NEK6: variants seen among roughly 807,000 people sequenced by gnomAD.
NEK6 encodes serine/threonine-protein kinase Nek6.
Under a neutral mutation model 43.5 loss-of-function variants are expected in NEK6, and 27 were observed. The observed-to-expected ratio is 0.62, with a 90% CI of 0.46 to 0.86. NEK6 has a LOEUF of 0.86. Among genes scored for constraint, NEK6 ranks in the 40% least tolerant of loss-of-function variants. NEK6 has a pLI of 0.00. For missense variants in NEK6, 318 were observed against 414.4 expected (o/e 0.77, Z 2.02); for synonymous variants, 167 against 164.1 (o/e 1.02, Z -0.14).
chr9:124,287,099 C>A (rs1832199222), intron 1 of NEK6, among the ~76,000 whole-genome samples: 1 of 152,158 alleles, frequency 6.6e-6, no homozygotes, highest in South Asian at 2.1e-4. Flanking sequence ...TGGGGACAGA[C>A]CCTGGGACAT....
chr9:124,279,462 T>G lies in NEK6; in HGVS notation c.-30+21377T>G, dbSNP rs542078111. Among the ~76,000 whole-genome samples, 7 of 152,202 alleles carry G rather than the reference T, an allele frequency of 4.6e-5. 1 individual carries two copies. In the South Asian group the frequency reaches 1.5e-3, roughly 32 times the overall value. On this transcript the variant is annotated intron_variant, in intron 1 of 9. Transcript: ENST00000320246. ...GACTGCAGGCACACACCACAACGCC[T>G]GGCTAATTTTTGTATTTTTAGTAGA...
intron 6 of NEK6, among the ~76,000 whole-genome samples, chr9:124,327,107 C>CTTT (rs1834378135): frequency 6.6e-6 from 1 of 152,184 alleles, no homozygotes; most frequent in Non-Finnish European, 1.5e-5. Flanking sequence ...CTGTCTTAAC[C>CTTT]CTCACAGCAG....
At chr9:124,288,058 C>G (rs1264242654) in intron 1 of NEK6, among the ~76,000 whole-genome samples, 4 of 152,230 alleles carry the variant, frequency 2.6e-5, no homozygotes, top group Admixed American at 6.5e-5. Flanking sequence ...GCAGCAGGAG[C>G]TGTGCAGCCT....
At chr9:124,260,342 A>G (rs1830983079) in intron 1 of NEK6, among the ~76,000 whole-genome samples, 1 of 152,186 alleles carries the variant, frequency 6.6e-6, no homozygotes, top group Non-Finnish European at 1.5e-5. Flanking sequence ...CATGACTTGC[A>G]TAATTTCATT....
chr9:124,323,450 TCTAGAAGAAAG>T (rs750430923), intron 5 of NEK6, among the ~76,000 whole-genome samples: 58 of 152,122 alleles, frequency 3.8e-4, no homozygotes, highest in Non-Finnish European at 7.9e-4. Flanking sequence ...AGCTCTGTGT[TCTAGAAGAAAG>T]ACTGGAGGCC....
chr9:124,323,925 G>C (rs2130930177), intron 5 of NEK6, among the ~76,000 whole-genome samples: 1 of 152,316 alleles, frequency 6.6e-6, no homozygotes, highest in Middle Eastern at 3.4e-3. Context: ...CAGCAGGATT[G>C]AGTCTAGGAT....
intron 2 of NEK6, among the ~76,000 whole-genome samples, chr9:124,306,832 C>T (rs1044716952): frequency 6.6e-6 from 1 of 152,234 alleles, no homozygotes; most frequent in African/African-American, 2.4e-5. Flanking sequence ...GCTATATACA[C>T]ATCTACCAAA....
In NEK6 at chr9:124,301,993, A is replaced by G. The variant is rs377403028; in HGVS notation, c.29A>G (p.His10Arg). MAGQPGHMPHGGSSNNLCHT... is the reference protein window; with the variant it reads MAGQPGHMPRGGSSNNLCHT... The stretch of plus-strand genomic sequence containing the variant: ...GCAGGACAGCCCGGCCACATGCCCC[A>G]TGGAGGGAGTTCCAACAACCTCTGC... Residue 10 changes from histidine to arginine, a missense_variant, in exon 2 of 10, where the codon CAT becomes CGT. Physicochemically the swap from His to Arg is conservative, Grantham distance 29. Coordinates refer to ENST00000320246, the MANE Select transcript of NEK6 (RefSeq NM_014397.6). 21 of 1,604,894 alleles carry G rather than the reference A, an allele frequency of 1.3e-5. No individual in the cohort carries two copies. In the African/African-American group the frequency reaches 2.3e-4, roughly 17 times the overall value.
chr9:124,273,157 A>T, intron 1 of NEK6, among the ~76,000 whole-genome samples: 1 of 152,134 alleles, frequency 6.6e-6, no homozygotes, highest in East Asian at 1.9e-4. Flanking sequence ...GGTTAGGTTC[A>T]TGTGACAGAT....
chr9:124,309,725 G>C (rs944587384), intron 2 of NEK6, among the ~76,000 whole-genome samples: 1 of 152,204 alleles, frequency 6.6e-6, no homozygotes, highest in Non-Finnish European at 1.5e-5. Context: ...TTATGAGTAC[G>C]TGCGATTCTT....
chr9:124,277,417 A>C (rs1464151120), intron 1 of NEK6, among the ~76,000 whole-genome samples: 1 of 152,202 alleles, frequency 6.6e-6, no homozygotes, highest in East Asian at 1.9e-4. Flanking sequence ...TTGCACTCCA[A>C]CCTGGGCAAG....
intron 9 of NEK6, among the ~76,000 whole-genome samples, chr9:124,349,877 C>T (rs961876686): frequency 2.6e-5 from 4 of 152,224 alleles, no homozygotes; most frequent in Admixed American, 1.3e-4. Context: ...AAGGCATGCA[C>T]GCAGGTGCGA....
chr9:124,263,422 C>G (rs1831110654), intron 1 of NEK6, among the ~76,000 whole-genome samples: 1 of 152,184 alleles, frequency 6.6e-6, no homozygotes, highest in South Asian at 2.1e-4. Context: ...CTCTCATGAG[C>G]ACGTCGCCCA....
At chr9:124,338,791 T>C (rs952917142) in intron 7 of NEK6, among the ~76,000 whole-genome samples, 1 of 152,204 alleles carries the variant, frequency 6.6e-6, no homozygotes, top group African/African-American at 2.4e-5. Context: ...AGATACTGCC[T>C]CATAGCACTG....
chr9:124,302,868 T>C (rs951238876), intron 2 of NEK6, among the ~76,000 whole-genome samples: 6 of 152,248 alleles, frequency 3.9e-5, no homozygotes, highest in African/African-American at 1.4e-4. Context: ...GGAGCAGGGC[T>C]TTGCTGGTGG....
In NEK6 at chr9:124,324,552, C is replaced by T. The variant is rs931112001; in HGVS notation, c.406-1778C>T. 3.9e-5 allele frequency among the ~76,000 whole-genome samples: 6 copies of T among 152,188 alleles called. No individual in the cohort carries two copies. Among genetic ancestry groups the T allele is most frequent in the Non-Finnish European group, 5.9e-5 (4 of 68,036 alleles). ...TTTAGAAAATCACCACTCTCGGCCA[C>T]GCGCGTCCCTGCTTAAATGCTGTAA... On this transcript the variant is annotated intron_variant, in intron 5 of 9. Transcript: ENST00000320246. The surrounding 1 kb of genome is among the most constrained non-coding windows in gnomAD (Gnocchi z 5.3).
intron 7 of NEK6, among the ~76,000 whole-genome samples, chr9:124,329,503 G>A (rs1453324223): frequency 6.6e-6 from 1 of 152,228 alleles, no homozygotes; most frequent in Non-Finnish European, 1.5e-5. Context: ...CTTGGGAGAA[G>A]GCCGCCCTCA....
chr9:124,314,494 G>A (rs902206572), intron 4 of NEK6, among the ~76,000 whole-genome samples: 1 of 150,128 alleles, frequency 6.7e-6, no homozygotes, highest in African/African-American at 2.5e-5. Flanking sequence ...GGTGGTGGTG[G>A]TGGGTTTTTT....
At position 124,324,968 on chromosome 9, in the gene NEK6, A is replaced by G. The variant is rs1834261396; in HGVS notation, c.406-1362A>G. On this transcript the variant is annotated intron_variant, in intron 5 of 9. Coordinates refer to ENST00000320246, the MANE Select transcript of NEK6 (RefSeq NM_014397.6). The surrounding 1 kb of genome is among the most constrained non-coding windows in gnomAD (Gnocchi z 5.3). ...GGCAGGCAGATCACCTGAGGTGAGG[A>G]GTTCGAGACCAGCCTGGCTAACGTG... 1.3e-5 allele frequency among the ~76,000 whole-genome samples: 2 copies of G among 152,178 alleles called. No individual in the cohort carries two copies. The highest frequency in any genetic ancestry group is 4.8e-5 in the African/African-American group (2 of 41,440).
Sources: allele counts gnomAD v4.1 joint callset (sites outside exome capture counted in the v4.1 genomes callset), GRCh38; gene constraint gnomAD v4.1.1; non-coding constraint Gnocchi (gnomAD v3.1); transcripts MANE v1.5; gene names NCBI Gene and HGNC (gene_info 2026-07-23, HGNC 2026-07-21).